SBF2: variants seen among roughly 807,000 people sequenced by gnomAD.
The protein encoded by SBF2 is SET binding factor 2, also known as myotubularin-related protein 13.
In SBF2, 112 loss-of-function variants were observed where a neutral mutation model predicts 225.2. That is an observed-to-expected ratio of 0.50 (90% CI 0.43 to 0.58). The LOEUF is 0.58. Ranked by LOEUF, SBF2 falls within the 20% of genes least tolerant of loss-of-function variation. The pLI is 0.00. For missense variants in SBF2, 1,996 were observed against 2,206.2 expected, an observed-to-expected ratio of 0.90 and a Z score of 1.91; for synonymous variants, 763 against 773.3, an observed-to-expected ratio of 0.99 and a Z score of 0.22.
chr11:10,253,007 C>A (rs925874344), intron 1 of SBF2, among the ~76,000 whole-genome samples: 15 of 148,562 alleles, frequency 1.0e-4, no homozygotes, highest in African/African-American at 3.7e-4. Context: ...GCCCAGTTAG[C>A]AAACTGTTCA....
intron 2 of SBF2, among the ~76,000 whole-genome samples, chr11:10,124,211 G>A (rs977055017): frequency 6.6e-6 from 1 of 152,072 alleles, no homozygotes; most frequent in Non-Finnish European, 1.5e-5. Context: ...AGGTGTTTTT[G>A]ATCAAGGTAA....
chr11:10,104,054 T>A (rs1265507660), intron 2 of SBF2, among the ~76,000 whole-genome samples: 2 of 148,512 alleles, frequency 1.3e-5, no homozygotes, highest in Admixed American at 6.7e-5. Flanking sequence ...CTGTACTCCA[T>A]CCATCTGGGG....
chr11:9,988,801 T>A (rs1213400529), intron 13 of SBF2, among the ~76,000 whole-genome samples: 1 of 152,096 alleles, frequency 6.6e-6, no homozygotes, highest in Non-Finnish European at 1.5e-5. Context: ...TACACTGCTG[T>A]TGGGAATGTA....
chr11:9,794,816 T>A (rs549781584), intron 33 of SBF2, among the ~76,000 whole-genome samples: 1 of 150,270 alleles, frequency 6.7e-6, no homozygotes, highest in African/African-American at 2.4e-5. Context: ...AGAATAACAA[T>A]TCCATGAGCC....
At chr11:10,109,473 C>T (rs1047675142) in intron 2 of SBF2, among the ~76,000 whole-genome samples, 1 of 152,116 alleles carries the variant, frequency 6.6e-6, no homozygotes, top group African/African-American at 2.4e-5. Flanking sequence ...TTGGACTCAG[C>T]CCACAAATGC....
chr11:10,039,289 C>T (rs982718514), intron 3 of SBF2, among the ~76,000 whole-genome samples: 3 of 151,706 alleles, frequency 2.0e-5, no homozygotes, highest in African/African-American at 7.3e-5. Context: ...GGGACATAAA[C>T]AGTTCATGCC....
intron 1 of SBF2, among the ~76,000 whole-genome samples, chr11:10,198,101 G>A (rs1231152585): frequency 1.3e-5 from 2 of 152,098 alleles, no homozygotes; most frequent in African/African-American, 2.4e-5. Flanking sequence ...AAGTTATAAT[G>A]GCATCTAGAA....
intron 2 of SBF2, among the ~76,000 whole-genome samples, chr11:10,045,285 A>C (rs1424316145): frequency 1.3e-5 from 2 of 151,184 alleles, no homozygotes; most frequent in East Asian, 3.9e-4. Flanking sequence ...CTCCTGCTTC[A>C]GCCTCCTGAG....
chr11:9,891,959 C>T (rs1048516832), intron 17 of SBF2, among the ~76,000 whole-genome samples: 7 of 151,942 alleles, frequency 4.6e-5, no homozygotes, highest in Non-Finnish European at 1.0e-4. Flanking sequence ...TACATATATA[C>T]CATCTTTTCA....
chr11:9,887,960 A>G (rs1860472391), intron 17 of SBF2, among the ~76,000 whole-genome samples: 1 of 152,184 alleles, frequency 6.6e-6, no homozygotes. Flanking sequence ...AAAAGTGATG[A>G]CTTAGGAAAT....
intron 16 of SBF2, among the ~76,000 whole-genome samples, chr11:9,935,853 C>T (rs1238943956): frequency 6.6e-6 from 1 of 152,074 alleles, no homozygotes; most frequent in Non-Finnish European, 1.5e-5. Flanking sequence ...CCATAAAAAC[C>T]CTAGAAGAAA....
intron 22 of SBF2, 26 bp downstream of exon 22, chr11:9,849,997 T>C (rs563000722): frequency 6.2e-7 from 1 of 1,600,262 alleles, no homozygotes; most frequent in Admixed American, 1.7e-5. Flanking sequence ...CAGATACCCA[T>C]GTTCTGATGG....
intron 1 of SBF2, among the ~76,000 whole-genome samples, chr11:10,292,573 C>T (rs1162498775): frequency 1.3e-5 from 2 of 151,274 alleles, no homozygotes; most frequent in Non-Finnish European, 2.9e-5. Context: ...CCAGCTACTC[C>T]GGAGGCTGAG....
chr11:10,037,166 G>A (rs554231025), intron 3 of SBF2, among the ~76,000 whole-genome samples: 3 of 152,200 alleles, frequency 2.0e-5, no homozygotes, highest in South Asian at 4.1e-4. Context: ...CAAAAGGGGA[G>A]GAGAAGACAG....
At chr11:10,101,242 G>A (rs546937015) in intron 2 of SBF2, among the ~76,000 whole-genome samples, 7 of 152,236 alleles carry the variant, frequency 4.6e-5, no homozygotes, top group Non-Finnish European at 7.4e-5. Context: ...ATTACCATTC[G>A]GAGGTCATCC....
intron 2 of SBF2, among the ~76,000 whole-genome samples, chr11:10,102,559 G>T (rs1262325607): frequency 1.3e-5 from 2 of 152,192 alleles, no homozygotes; most frequent in Admixed American, 6.5e-5. Flanking sequence ...AGTTCAGAGG[G>T]TTTTAAAGAT....
At chr11:9,793,503 C>A (rs1430798311) in intron 33 of SBF2, among the ~76,000 whole-genome samples, 1 of 152,220 alleles carries the variant, frequency 6.6e-6, no homozygotes, top group African/African-American at 2.4e-5. Flanking sequence ...AGTTCTCGTG[C>A]TTCAGCCTCC....
chr11:10,168,368 C>A (rs1210970383), intron 2 of SBF2, among the ~76,000 whole-genome samples: 1 of 152,150 alleles, frequency 6.6e-6, no homozygotes, highest in Non-Finnish European at 1.5e-5. Context: ...TCTCTAAGTA[C>A]CTGCAAGCCA....
chr11:10,196,866 A>ATATATATATATATATAT, intron 1 of SBF2, among the ~76,000 whole-genome samples: 1 of 99,314 alleles, frequency 1.0e-5, no homozygotes, highest in Non-Finnish European at 2.0e-5. Context: ...ATATATATAT[A>ATATATATATATATATAT]TTTTTTTTTT....
Sources: allele counts gnomAD v4.1 joint callset (sites outside exome capture counted in the v4.1 genomes callset), GRCh38; gene constraint gnomAD v4.1.1; transcripts MANE v1.5; gene names NCBI Gene and HGNC (gene_info 2026-07-23, HGNC 2026-07-21).